The following AP2A1 variants were observed in gnomAD, a reference collection of about 807,000 sequenced individuals.
The protein encoded by AP2A1 is AP-2 complex subunit alpha-1.
Under a neutral mutation model 107.3 loss-of-function variants are expected in AP2A1, and 21 were observed. The ratio of observed to expected loss-of-function variants is 0.20; its 90% CI spans 0.14 to 0.28. The LOEUF is 0.28. Among genes scored for constraint, AP2A1 ranks in the 10% least tolerant of loss-of-function variants. The pLI, the probability that AP2A1 is intolerant of heterozygous loss-of-function variation, is 1.00. For missense variants in AP2A1, 873 were observed against 1,307.7 expected (o/e 0.67, Z 5.13); for synonymous variants, 602 against 564.8 (o/e 1.07, Z -0.93).
chr19:49,803,410 C>G (rs1038038072), intron 18 of AP2A1, 34 bp downstream of exon 18: 2 of 1,587,796 alleles, frequency 1.3e-6, no homozygotes, highest in East Asian at 4.5e-5. Flanking sequence ...CCTCCTGCCT[C>G]TCCACGTCGG....
intron 1 of AP2A1, among the ~76,000 whole-genome samples, chr19:49,771,318 A>G (rs2084554785): frequency 6.6e-6 from 1 of 151,388 alleles, no homozygotes; most frequent in Non-Finnish European, 1.5e-5. Flanking sequence ...AAAAAAAAAA[A>G]AAAAAAAAGA....
rs1568591611 is a variant in AP2A1, at chr19:49,806,107, CCCT to C, written c.2656-6_2656-4del. Reference sequence around the variant, plus strand: ...CTCTGGCACACTCTGACGGCGCCCCCCCTCCTCCCAGCTTCTGGGGTTTGGCTC... The same window carrying C: ...CTCTGGCACACTCTGACGGCGCCCCCCCTCCCAGCTTCTGGGGTTTGGCTC... On this transcript the variant is annotated splice_polypyrimidine_tract_variant and intron_variant, in intron 21 of 22. Transcript: ENST00000354293. The C allele has an allele frequency of 1.9e-6, 3 of 1,568,112 alleles. No individual in the cohort carries two copies. The highest frequency in any genetic ancestry group is 1.4e-5 in the African/African-American group (1 of 73,506).
At position 49,801,962 on chromosome 19, in the gene AP2A1, T is replaced by C; in HGVS notation, c.1954-19T>C. ...TGCCGGGCGCCGCCTGTCCTCACCGTGACCTGCGCTTCCTACAGTCGACGC... is the reference window on the plus strand; with the variant it reads ...TGCCGGGCGCCGCCTGTCCTCACCGCGACCTGCGCTTCCTACAGTCGACGC... On this transcript the variant is annotated intron_variant, in intron 14 of 22. Coordinates refer to ENST00000354293, the MANE Select transcript of AP2A1 (RefSeq NM_130787.3). The C allele has an allele frequency of 6.8e-7, 1 of 1,476,330 alleles. No homozygotes were observed. The highest frequency in any genetic ancestry group is 8.9e-7 in the Non-Finnish European group (1 of 1,117,806). The allele number at this position is 1,476,330 out of a possible 1,614,324, so 91.5% of individuals were successfully genotyped here.
At chr19:49,790,175 C>T (rs1480032624) in intron 4 of AP2A1, among the ~76,000 whole-genome samples, 6 of 152,280 alleles carry the variant, frequency 3.9e-5, no homozygotes, top group South Asian at 2.1e-4. Flanking sequence ...GAGGAGAGGC[C>T]GCGTCCTTGC....
At chr19:49,797,955 C>T (rs1467776441) in intron 7 of AP2A1, among the ~76,000 whole-genome samples, 2 of 152,110 alleles carry the variant, frequency 1.3e-5, no homozygotes, top group African/African-American at 4.8e-5. Context: ...TGTTATTTCT[C>T]GTAGTCTGGA....
chr19:49,779,138 C>G (rs752697413), intron 1 of AP2A1, among the ~76,000 whole-genome samples: 4 of 151,544 alleles, frequency 2.6e-5, no homozygotes, highest in Admixed American at 6.6e-5. Context: ...AGATTGAGAC[C>G]ATGCTGGCTA....
rs2073277928 is a variant in AP2A1 at position 49,801,465 on chromosome 19, C to T, written c.1629C>T (p.Ser543=). Residue 543 remains serine (S), a synonymous_variant, in exon 13 of 23, where the codon TCC becomes TCT. Transcript: ENST00000354293. ...CSVATRALLL[S]TYIKFINLFP... ...TGGCCACGCGGGCGCTGCTGCTGTC[C>T]ACCTACATCAAGTTCATCAACCTCT... 1.9e-6 allele frequency: 3 copies of T among 1,613,730 alleles called. No individual in the cohort carries two copies. Among genetic ancestry groups the T allele is most frequent in the Non-Finnish European group, 2.5e-6 (3 of 1,179,836 alleles).
At chr19:49,805,377 G>GA in intron 18 of AP2A1, 76 bp from the exon 19 acceptor site, 1 of 1,440,886 alleles carries the variant, frequency 6.9e-7, no homozygotes, top group Non-Finnish European at 9.2e-7. Context: ...GAGCTGCCGG[G>GA]AGCTCTGGGG....
intron 4 of AP2A1, among the ~76,000 whole-genome samples, chr19:49,786,523 G>T (rs2123704961): frequency 6.6e-6 from 1 of 152,314 alleles, no homozygotes; most frequent in Middle Eastern, 3.4e-3. Context: ...CTGAGGGCAG[G>T]TGTTAACTGG....
chr19:49,801,947 C>T (rs1286978370), intron 14 of AP2A1, 34 bp from the exon 15 acceptor site: 5 of 1,463,224 alleles, frequency 3.4e-6, no homozygotes, highest in African/African-American at 2.8e-5. Flanking sequence ...TGCCGGGCGC[C>T]GCCTGTCCTC....
intron 1 of AP2A1, among the ~76,000 whole-genome samples, chr19:49,777,073 G>A (rs1458721962): frequency 2.2e-5 from 3 of 137,308 alleles, no homozygotes; most frequent in African/African-American, 5.2e-5. Flanking sequence ...TACTAAAAAT[G>A]CGGAAAAAAA....
chr19:49,767,087 G>T lies in AP2A1; in HGVS notation c.-47G>T. ...CGGTCCCCGCTTGCCAGCCCCCGCT[G>T]CTCTGTGCCCTGTCCGGCCAGGCCT... On this transcript the variant is annotated 5_prime_UTR_variant, in exon 1 of 23. Transcript: ENST00000354293. The T allele has an allele frequency of 6.2e-7, 1 of 1,601,094 alleles. No homozygotes were observed.
rs1043804457 is a variant in AP2A1 at position 49,807,001 on chromosome 19, C to T, written c.*243C>T. The T allele has an allele frequency of 2.6e-5, 40 of 1,525,630 alleles. No individual in the cohort carries two copies. In the African/African-American group the frequency reaches 4.3e-4, roughly 16 times the overall value. 94.5% of individuals were successfully genotyped at this position (1,525,630 alleles called of 1,614,324 possible). On this transcript the variant is annotated 3_prime_UTR_variant, in exon 23 of 23. Transcript: ENST00000354293. ...CCCCAAGCACAGAGGGGAGAGGGGC[C>T]AGGGAAGTGGATGTCTCCTCCCCTC...
chr19:49,787,895 C>G (rs1157965581), intron 4 of AP2A1, among the ~76,000 whole-genome samples: 1 of 152,188 alleles, frequency 6.6e-6, no homozygotes, highest in African/African-American at 2.4e-5. Context: ...CCTTCTGTGT[C>G]TGGCTTCTTC....
intron 9 of AP2A1, 64 bp downstream of exon 9, chr19:49,799,559 G>T: frequency 6.2e-7 from 1 of 1,601,000 alleles, no homozygotes. Flanking sequence ...AGGCTCAGAG[G>T]CCCTTGGGTG....
chr19:49,806,116 C>T lies in AP2A1; in HGVS notation c.2656-3C>T, dbSNP rs1287108253. On this transcript the variant is annotated splice_polypyrimidine_tract_variant and splice_region_variant and intron_variant, in intron 21 of 22. Coordinates refer to ENST00000354293, the MANE Select transcript of AP2A1 (RefSeq NM_130787.3). ...ACTCTGACGGCGCCCCCCCTCCTCC[C>T]AGCTTCTGGGGTTTGGCTCTGCTCT... 1 of 1,566,314 alleles carries T rather than the reference C, an allele frequency of 6.4e-7. No homozygotes were observed. Among genetic ancestry groups the T allele is most frequent in the Admixed American group, 1.9e-5 (1 of 52,190 alleles).
At chr19:49,780,914 A>C (rs1418245169) in intron 1 of AP2A1, among the ~76,000 whole-genome samples, 1 of 151,962 alleles carries the variant, frequency 6.6e-6, no homozygotes, top group Non-Finnish European at 1.5e-5. Flanking sequence ...GATTGGCGTG[A>C]GGATGTCCAG....
chr19:49,767,297 C>T (rs1179538148), intron 1 of AP2A1, 97 bp downstream of exon 1: 2 of 1,461,884 alleles, frequency 1.4e-6, no homozygotes, highest in African/African-American at 2.8e-5. Flanking sequence ...GGATCAAAAG[C>T]CTCTGCGGCC....
At chr19:49,793,193 C>G in intron 6 of AP2A1, 101 bp downstream of exon 6, 10 of 1,108,282 alleles carry the variant, frequency 9.0e-6, no homozygotes, top group Non-Finnish European at 1.2e-5. Context: ...CAGCCCAGCC[C>G]AAGGTTTACA....
Sources: gnomAD v4.1 joint callset for allele counts (sites outside exome capture counted in the v4.1 genomes callset) on GRCh38, gnomAD v4.1.1 for gene constraint, MANE v1.5 for transcripts, NCBI Gene and HGNC (gene_info 2026-07-23, HGNC 2026-07-21) for gene names.